The following CDH20 variants were observed in gnomAD, a reference collection of about 807,000 sequenced individuals.
CDH20 encodes the protein cadherin 20, also known as cadherin-20.
Under a neutral mutation model 74.2 loss-of-function variants are expected in CDH20, and 29 were observed. The ratio of observed to expected loss-of-function variants is 0.39; its 90% CI spans 0.29 to 0.53. CDH20 has a LOEUF of 0.53. CDH20 is among the 20% of genes least tolerant of loss of function. The pLI is 0.69. For missense variants in CDH20, 988 were observed against 1,048.3 expected, an observed-to-expected ratio of 0.94 and a Z score of 0.79; for synonymous variants, 469 against 405.4, an observed-to-expected ratio of 1.16 and a Z score of -1.88.
chr18:61,333,913 G>T (rs1909654687), intron 1 of CDH20, 86 bp downstream of exon 1: 1 of 152,282 alleles, frequency 6.6e-6, no homozygotes, highest in African/African-American at 2.4e-5. Flanking sequence ...CGAAATCCCC[G>T]GGCGGCGTGC....
intron 1 of CDH20, among the ~76,000 whole-genome samples, chr18:61,385,895 A>C (rs1599050620): frequency 6.6e-6 from 1 of 150,742 alleles, no homozygotes; most frequent in Non-Finnish European, 1.5e-5. Flanking sequence ...GCACCACTGC[A>C]CTCCAGCCTG....
intron 1 of CDH20, among the ~76,000 whole-genome samples, chr18:61,408,735 C>G (rs1303206672): frequency 2.6e-5 from 4 of 152,278 alleles, no homozygotes; most frequent in Middle Eastern, 3.4e-3. Flanking sequence ...AATCAGAACC[C>G]TGGCTAAACC....
intron 11 of CDH20, among the ~76,000 whole-genome samples, chr18:61,552,975 T>TA (rs1913486512): frequency 6.6e-6 from 1 of 152,154 alleles, no homozygotes; most frequent in South Asian, 2.1e-4. Context: ...ACGCCTCGTA[T>TA]TTTTGCACAC....
At chr18:61,471,344 G>A (rs1910168930) in intron 1 of CDH20, among the ~76,000 whole-genome samples, 1 of 152,202 alleles carries the variant, frequency 6.6e-6, no homozygotes, top group African/African-American at 2.4e-5. Context: ...TAGGAAAACA[G>A]TTGACAAGAG....
chr18:61,375,341 G>A (rs769230201), intron 1 of CDH20, among the ~76,000 whole-genome samples: 5 of 152,112 alleles, frequency 3.3e-5, no homozygotes, highest in Non-Finnish European at 5.9e-5. Flanking sequence ...AATTCTGCAG[G>A]GTTCATCCTT....
intron 1 of CDH20, among the ~76,000 whole-genome samples, chr18:61,449,093 A>T (rs1005687475): frequency 6.6e-6 from 1 of 152,202 alleles, no homozygotes; most frequent in African/African-American, 2.4e-5. Flanking sequence ...CCATATTCAC[A>T]TAGGACTTTT....
chr18:61,511,416 T>TC (rs1911780150), intron 6 of CDH20, among the ~76,000 whole-genome samples: 1 of 152,020 alleles, frequency 6.6e-6, no homozygotes, highest in South Asian at 2.1e-4. Context: ...ACTCCTGAGC[T>TC]CAAGTGGTAC....
At chr18:61,519,669 A>G (rs528781569) in intron 6 of CDH20, among the ~76,000 whole-genome samples, 7 of 151,356 alleles carry the variant, frequency 4.6e-5, no homozygotes, top group Admixed American at 1.3e-4. Context: ...GCAAAAACAT[A>G]CCAAATTGTA....
At chr18:61,462,259 A>G (rs1909805208) in intron 1 of CDH20, among the ~76,000 whole-genome samples, 1 of 152,204 alleles carries the variant, frequency 6.6e-6, no homozygotes, top group Non-Finnish European at 1.5e-5. Context: ...TTCACAATGT[A>G]TACATATATC....
intron 6 of CDH20, among the ~76,000 whole-genome samples, chr18:61,519,334 G>A (rs1912111136): frequency 6.6e-6 from 1 of 151,090 alleles, no homozygotes; most frequent in African/African-American, 2.5e-5. Flanking sequence ...ATTCACCAAG[G>A]TTGAAATGAA....
At chr18:61,449,582 T>C (rs1909314209) in intron 1 of CDH20, among the ~76,000 whole-genome samples, 1 of 152,034 alleles carries the variant, frequency 6.6e-6, no homozygotes, top group South Asian at 2.1e-4. Context: ...TTTAAATTAT[T>C]TAAAATAGCA....
chr18:61,436,816 T>C (rs771744462), intron 1 of CDH20, among the ~76,000 whole-genome samples: 1 of 152,126 alleles, frequency 6.6e-6, no homozygotes, highest in Non-Finnish European at 1.5e-5. Context: ...CTGTTCTGCA[T>C]TGAGTCTGGA....
At chr18:61,393,640 G>A (rs184789919) in intron 1 of CDH20, among the ~76,000 whole-genome samples, 1 of 152,324 alleles carries the variant, frequency 6.6e-6, no homozygotes, top group East Asian at 1.9e-4. Context: ...GTGGGTGGTT[G>A]AAGATTTATA....
rs768970101 is a variant in CDH20, at chr18:61,554,708, G to A, written c.*13G>A. On this transcript the variant is annotated 3_prime_UTR_variant, in exon 12 of 12. Transcript: ENST00000262717. ...GCCGCTGTGGTGACGGAAGCCAGGAGGCAGGCGCGCGTCCAAATCCAGACG... is the reference window on the plus strand; with the variant it reads ...GCCGCTGTGGTGACGGAAGCCAGGAAGCAGGCGCGCGTCCAAATCCAGACG... 2.6e-6 allele frequency: 4 copies of A among 1,540,012 alleles called. No homozygotes were observed. The highest frequency in any genetic ancestry group is 4.7e-5 in the East Asian group (2 of 42,636).
intron 1 of CDH20, among the ~76,000 whole-genome samples, chr18:61,424,494 A>T (rs1249283319): frequency 6.6e-6 from 1 of 152,228 alleles, no homozygotes; most frequent in Non-Finnish European, 1.5e-5. Flanking sequence ...TCTAGGTTAG[A>T]TACTATACCC....
chr18:61,388,857 CAG>C (rs568465536), intron 1 of CDH20, among the ~76,000 whole-genome samples: 202 of 152,276 alleles, frequency 1.3e-3, no homozygotes, highest in Admixed American at 3.7e-3. Flanking sequence ...CAAGAAATTA[CAG>C]AAAATGATAA....
chr18:61,496,716 T>C (rs886196520), intron 2 of CDH20, among the ~76,000 whole-genome samples: 10 of 152,216 alleles, frequency 6.6e-5, no homozygotes, highest in Admixed American at 4.6e-4. Flanking sequence ...ATTTGATAAA[T>C]AGAGCACCTC....
intron 1 of CDH20, among the ~76,000 whole-genome samples, chr18:61,342,338 T>G (rs1425898447): frequency 1.3e-5 from 2 of 152,210 alleles, no homozygotes; most frequent in African/African-American, 2.4e-5. Flanking sequence ...TAACCCTCTC[T>G]TTGAATTCAG....
intron 1 of CDH20, among the ~76,000 whole-genome samples, chr18:61,401,835 G>A (rs1457207687): frequency 4.1e-4 from 63 of 152,124 alleles, no homozygotes; most frequent in Non-Finnish European, 1.2e-4. Flanking sequence ...GCATTTACAA[G>A]AGACTCTCCT....
Sources: gnomAD v4.1 joint callset for allele counts (sites outside exome capture counted in the v4.1 genomes callset) on GRCh38, gnomAD v4.1.1 for gene constraint, MANE v1.5 for transcripts, NCBI Gene and HGNC (gene_info 2026-07-23, HGNC 2026-07-21) for gene names.